Variants in KCNIP4 observed in about 807,000 individuals in gnomAD.
The protein encoded by KCNIP4 is Kv channel-interacting protein 4.
A neutral mutation model predicts 34.0 loss-of-function variants in KCNIP4; 12 were observed. The ratio of observed to expected loss-of-function variants is 0.35; its 90% confidence interval spans 0.23 to 0.57. The LOEUF is 0.57. KCNIP4 is among the 20% of genes least tolerant of loss of function. KCNIP4 has a pLI of 0.83. For synonymous variants in KCNIP4, 124 were observed against 102.2 expected (o/e 1.21, Z -1.29); for missense variants, 238 against 311.7 (o/e 0.76, Z 1.78).
At chr4:21,888,504 G>T (rs1054935417) in intron 1 of KCNIP4, among the ~76,000 whole-genome samples, 2 of 152,086 alleles carry the variant, frequency 1.3e-5, no homozygotes, top group African/African-American at 4.8e-5. Context: ...AACACAAGAA[G>T]ATAAAAGGAA....
At chr4:21,354,321 G>A (rs543601095) in intron 1 of KCNIP4, among the ~76,000 whole-genome samples, 1 of 152,200 alleles carries the variant, frequency 6.6e-6, no homozygotes, top group Admixed American at 6.5e-5. Context: ...ATGTAAATGG[G>A]CTAAATGCCC....
intron 1 of KCNIP4, among the ~76,000 whole-genome samples, chr4:21,778,777 T>C (rs1338029378): frequency 6.6e-6 from 1 of 152,132 alleles, no homozygotes; most frequent in Non-Finnish European, 1.5e-5. Flanking sequence ...GAAGTAATAA[T>C]AATAACATCA....
intron 3 of KCNIP4, among the ~76,000 whole-genome samples, chr4:20,798,094 T>C (rs1713712457): frequency 6.6e-6 from 1 of 152,272 alleles, no homozygotes; most frequent in Admixed American, 6.5e-5. Flanking sequence ...CTATATTTAT[T>C]TCTGAACACA....
intron 1 of KCNIP4, among the ~76,000 whole-genome samples, chr4:21,341,071 C>T (rs995387651): frequency 3.3e-5 from 5 of 151,862 alleles, no homozygotes; most frequent in East Asian, 3.9e-4. Context: ...AAACACACAG[C>T]GGAAGGAAAG....
At chr4:20,807,210 T>C (rs1239348065) in intron 3 of KCNIP4, among the ~76,000 whole-genome samples, 1 of 152,196 alleles carries the variant, frequency 6.6e-6, no homozygotes, top group African/African-American at 2.4e-5. Context: ...TTTACACTTA[T>C]ACTTTGGTCA....
chr4:21,790,645 T>C (rs1419431328), intron 1 of KCNIP4, among the ~76,000 whole-genome samples: 1 of 152,038 alleles, frequency 6.6e-6, no homozygotes, highest in Non-Finnish European at 1.5e-5. Context: ...GGCGCTATCC[T>C]CAAACTTAAA....
chr4:21,320,964 T>TTAA (rs1553860312), intron 1 of KCNIP4, among the ~76,000 whole-genome samples: 3 of 102,900 alleles, frequency 2.9e-5, no homozygotes, highest in East Asian at 5.2e-4. Flanking sequence ...GAATCTGTCT[T>TTAA]AAAAAAAAAA....
chr4:20,870,002 G>T (rs1441226898), intron 2 of KCNIP4, among the ~76,000 whole-genome samples: 3 of 152,062 alleles, frequency 2.0e-5, no homozygotes, highest in African/African-American at 7.2e-5. Context: ...ATAGTGGCTG[G>T]CACATAGTGT....
chr4:21,578,350 AAAAAAAAAGAG>A lies in KCNIP4; in HGVS notation c.61+370210_61+370220del, dbSNP rs1354790518. Among the ~76,000 whole-genome samples the A allele has an allele frequency of 7.7e-4, 116 of 150,730 alleles. 3 individuals carry two copies. Among genetic ancestry groups the A allele is most frequent in the African/African-American group, 2.7e-3 (109 of 40,684 alleles). On this transcript the variant is annotated intron_variant, in intron 1 of 8. Coordinates refer to ENST00000382152, the MANE Select transcript of KCNIP4 (RefSeq NM_025221.6). ...TCCGTCTCAAAAAAAAAAAAAAAAA[AAAAAAAAAGAG>A]TTCATGCTAGCTAAATGTGAATTTC...
chr4:21,799,202 G>C (rs1196296134), intron 1 of KCNIP4, among the ~76,000 whole-genome samples: 1 of 152,084 alleles, frequency 6.6e-6, no homozygotes, highest in Non-Finnish European at 1.5e-5. Context: ...ATTTTCTTTA[G>C]TATTCACAAC....
chr4:21,708,543 G>C (rs137914277), intron 1 of KCNIP4, among the ~76,000 whole-genome samples: 1 of 152,096 alleles, frequency 6.6e-6, no homozygotes, highest in African/African-American at 2.4e-5. Context: ...GCAAGCTGAA[G>C]ATGACAAAAT....
intron 1 of KCNIP4, among the ~76,000 whole-genome samples, chr4:21,312,758 C>T (rs147071452): frequency 5.8e-4 from 89 of 152,240 alleles, no homozygotes; most frequent in African/African-American, 1.9e-3. Context: ...GCTTTAGATA[C>T]CAACTTTAGT....
At chr4:21,406,816 T>G (rs1005636171) in intron 1 of KCNIP4, among the ~76,000 whole-genome samples, 6 of 152,184 alleles carry the variant, frequency 3.9e-5, no homozygotes, top group Non-Finnish European at 7.3e-5. Context: ...TGAATAATGA[T>G]GAAATCTGAG....
At chr4:21,660,329 A>C (rs1330700793) in intron 1 of KCNIP4, among the ~76,000 whole-genome samples, 3 of 152,086 alleles carry the variant, frequency 2.0e-5, no homozygotes, top group African/African-American at 7.2e-5. Context: ...CATTCAATAA[A>C]CTTAGGTTAA....
intron 1 of KCNIP4, among the ~76,000 whole-genome samples, chr4:20,937,015 G>A (rs901049382): frequency 4.0e-5 from 6 of 151,876 alleles, no homozygotes; most frequent in African/African-American, 2.4e-5. Context: ...CTTGGTGTCC[G>A]TTCTACTCTC....
chr4:21,582,018 GAATAGAATA>G (rs1302697784), intron 1 of KCNIP4: 1 of 138,040 alleles, frequency 7.2e-6, no homozygotes, highest in Non-Finnish European at 1.6e-5. Context: ...GAATAGAATA[GAATAGAATA>G]GAATGGAATG....
At chr4:21,503,467 A>G (rs1733534483) in intron 1 of KCNIP4, among the ~76,000 whole-genome samples, 1 of 152,230 alleles carries the variant, frequency 6.6e-6, no homozygotes, top group South Asian at 2.1e-4. Flanking sequence ...TTCAACTGTA[A>G]TAAGTAACAT....
intron 1 of KCNIP4, among the ~76,000 whole-genome samples, chr4:21,239,426 G>A (rs540228211): frequency 0.028 from 4,187 of 151,496 alleles, 191 homozygotes; most frequent in African/African-American, 0.098. Flanking sequence ...ACTACCATCA[G>A]AGTGAACAGG....
At chr4:21,136,614 T>C (rs911583032) in intron 1 of KCNIP4, among the ~76,000 whole-genome samples, 2 of 152,126 alleles carry the variant, frequency 1.3e-5, no homozygotes, top group African/African-American at 4.8e-5. Flanking sequence ...AAAGCCTAAG[T>C]TGATGATAAT....
Sources: gnomAD v4.1 joint callset for allele counts (sites outside exome capture counted in the v4.1 genomes callset) on GRCh38, gnomAD v4.1.1 for gene constraint, MANE v1.5 for transcripts, NCBI Gene and HGNC (gene_info 2026-07-23, HGNC 2026-07-21) for gene names.